The following TJP1 variants were observed in gnomAD, a reference collection of about 807,000 sequenced individuals.
The protein encoded by TJP1 is tight junction protein ZO-1.
Under a neutral mutation model 194.2 loss-of-function variants are expected in TJP1, and 43 were observed. The ratio of observed to expected loss-of-function variants is 0.22; its 90% CI spans 0.17 to 0.29. The LOEUF (loss-of-function observed/expected upper bound fraction) is 0.29. Among genes scored for constraint, TJP1 ranks in the 10% least tolerant of loss-of-function variants. The pLI is 1.00. For synonymous variants in TJP1, 801 were observed against 779.0 expected (o/e 1.03, Z -0.47); for missense variants, 1,971 against 2,185.7 (o/e 0.90, Z 1.96).
rs41411045 is a variant in TJP1, at chr15:29,725,727, T to C, written c.2412+652A>G. On this transcript the variant is annotated intron_variant, in intron 18 of 27. Coordinates refer to ENST00000614355, the MANE Select transcript of TJP1 (RefSeq NM_001330239.4). ...TTTTAAAGCTGGCCATTTGGACGTA[T>C]AGAAAACCAAAATTCAAAGCCAGGA... Among the ~76,000 whole-genome samples the C allele has an allele frequency of 8.3e-3, 1,259 of 152,318 alleles. 19 individuals are homozygous for C. The highest frequency in any genetic ancestry group is 0.028 in the African/African-American group (1,169 of 41,572).
At chr15:29,776,226 A>G (rs1224854761) in intron 2 of TJP1, among the ~76,000 whole-genome samples, 1 of 152,188 alleles carries the variant, frequency 6.6e-6, no homozygotes, top group Non-Finnish European at 1.5e-5. Flanking sequence ...CAGGATTAGT[A>G]GGAAATCCAC....
chr15:29,853,913 A>G (rs1489358198), intron 2 of TJP1, among the ~76,000 whole-genome samples: 1 of 152,146 alleles, frequency 6.6e-6, no homozygotes, highest in Admixed American at 6.6e-5. Flanking sequence ...CCGAGAGAAC[A>G]TATCCAGGAG....
intron 2 of TJP1, among the ~76,000 whole-genome samples, chr15:29,849,150 AG>A (rs932264354): frequency 9.2e-5 from 14 of 152,138 alleles, no homozygotes; most frequent in Admixed American, 9.2e-4. Flanking sequence ...AATAACTAGT[AG>A]GCTTGACCCT....
intron 2 of TJP1, among the ~76,000 whole-genome samples, chr15:29,949,728 T>TA: frequency 1.0e-4 from 1 of 9,952 alleles, no homozygotes; most frequent in Non-Finnish European, 1.9e-4. Context: ...TCCACCGCCA[T>TA]CACCTCCACC....
chr15:29,750,953 TC>T (rs1278328551), intron 8 of TJP1, among the ~76,000 whole-genome samples: 1 of 152,234 alleles, frequency 6.6e-6, no homozygotes, highest in Non-Finnish European at 1.5e-5. Context: ...CAAAGTTTTT[TC>T]CACTGACAGG....
At chr15:29,763,201 G>C (rs564938651) in intron 5 of TJP1, among the ~76,000 whole-genome samples, 1 of 152,140 alleles carries the variant, frequency 6.6e-6, no homozygotes, top group Admixed American at 6.5e-5. Context: ...ACATCACTCC[G>C]TCTGTGGGTA....
chr15:29,968,913 C>G, exon 1 of TJP1: 1 of 234,006 alleles, frequency 4.3e-6, no homozygotes, highest in East Asian at 1.9e-4. Flanking sequence ...CAGCTGCGGC[C>G]GTGCGTGGCC....
At chr15:29,717,117 TA>T (rs1212247750) in intron 22 of TJP1, among the ~76,000 whole-genome samples, 1 of 152,196 alleles carries the variant, frequency 6.6e-6, no homozygotes, top group African/African-American at 2.4e-5. Context: ...TAGAAGTAGT[TA>T]ATCAGAAAGA....
At chr15:29,792,930 T>C (rs2048185929) in intron 2 of TJP1, among the ~76,000 whole-genome samples, 1 of 152,382 alleles carries the variant, frequency 6.6e-6, no homozygotes, top group Non-Finnish European at 1.5e-5. Context: ...GCTCTTGGCA[T>C]ACAGAAATGC....
intron 2 of TJP1, among the ~76,000 whole-genome samples, chr15:29,884,206 G>A (rs775132622): frequency 6.6e-6 from 1 of 152,160 alleles, no homozygotes; most frequent in Non-Finnish European, 1.5e-5. Context: ...AAACTAAACA[G>A]ATGTCTCATG....
rs751558465 is a variant in TJP1 at position 29,732,263 on chromosome 15, G to A, written c.2017+170C>T. ...GACTTTTCTCATTAAAAGAATTGGT[G>A]GAACAAGGACATGGTCACTGGGGTT... On this transcript the variant is annotated intron_variant, in intron 15 of 27. Coordinates refer to ENST00000614355, the MANE Select transcript of TJP1 (RefSeq NM_001330239.4). The A allele has an allele frequency of 9.2e-5, 56 of 608,816 alleles. No homozygotes were observed. In the Middle Eastern group the frequency reaches 3.5e-3, roughly 38 times the overall value. 37.7% of individuals were successfully genotyped at this position (608,816 alleles called of 1,614,324 possible).
At chr15:29,812,581 C>T (rs528058236) in intron 1 of TJP1, among the ~76,000 whole-genome samples, 1 of 152,270 alleles carries the variant, frequency 6.6e-6, no homozygotes, top group South Asian at 2.1e-4. Context: ...CTAAGACTTA[C>T]CTAACACCAT....
intron 2 of TJP1, among the ~76,000 whole-genome samples, chr15:29,828,864 G>A (rs780877414): frequency 6.6e-6 from 1 of 151,854 alleles, no homozygotes; most frequent in Non-Finnish European, 1.5e-5. Context: ...CTCCTCAGTA[G>A]CTGGGATTAC....
intron 2 of TJP1, among the ~76,000 whole-genome samples, chr15:29,838,228 T>A (rs1330631523): frequency 1.3e-5 from 2 of 152,158 alleles, no homozygotes; most frequent in African/African-American, 2.4e-5. Flanking sequence ...AGTTCAAGAC[T>A]AGTCTGGCCA....
In TJP1 at chr15:29,708,723, G is replaced by T; in HGVS notation, c.4686C>A (p.Asp1562Glu). 1 of 1,614,238 alleles carries T rather than the reference G, an allele frequency of 6.2e-7. No individual in the cohort carries two copies. Among genetic ancestry groups the T allele is most frequent in the South Asian group, 1.1e-5 (1 of 91,088 alleles). The change falls in exon 25 of 28, where the codon GAC (aspartate) becomes GAA (glutamate). Residue 1562 changes from aspartate to glutamate, a missense_variant. Transcript: ENST00000614355. ...GAGAAGTGGGAGTTTTTGAAGACAAGTCAGGTTTATGTGCAGTTTCACTTG... is the reference window on the plus strand; with the variant it reads ...GAGAAGTGGGAGTTTTTGAAGACAATTCAGGTTTATGTGCAGTTTCACTTG... ...LLPSETAHKP[D>E]LSSKTPTSPK...
chr15:29,919,139 G>A (rs2054277852), intron 2 of TJP1, among the ~76,000 whole-genome samples: 1 of 152,220 alleles, frequency 6.6e-6, no homozygotes, highest in African/African-American at 2.4e-5. Context: ...ACATTCAGAT[G>A]CTAGAGTAGA....
chr15:29,898,806 A>G (rs1338443723), intron 2 of TJP1, among the ~76,000 whole-genome samples: 4 of 152,216 alleles, frequency 2.6e-5, no homozygotes, highest in Admixed American at 1.3e-4. Flanking sequence ...ACTTTTTCAC[A>G]AGCAATTTGG....
intron 2 of TJP1, among the ~76,000 whole-genome samples, chr15:29,792,890 TA>T (rs2048183273): frequency 6.6e-6 from 1 of 152,204 alleles, no homozygotes; most frequent in Non-Finnish European, 1.5e-5. Flanking sequence ...GAAATAAGAT[TA>T]TTTTCTTGGT....
chr15:29,872,354 C>T (rs2052556217), intron 2 of TJP1, among the ~76,000 whole-genome samples: 1 of 152,104 alleles, frequency 6.6e-6, no homozygotes, highest in African/African-American at 2.4e-5. Context: ...AACTCAAATT[C>T]AAATTTAAAA....
Sources: gnomAD v4.1 joint callset for allele counts (sites outside exome capture counted in the v4.1 genomes callset) on GRCh38, gnomAD v4.1.1 for gene constraint, MANE v1.5 for transcripts, NCBI Gene and HGNC (gene_info 2026-07-23, HGNC 2026-07-21) for gene names.